The following CLEC2A variants were observed in gnomAD, a reference collection of about 807,000 sequenced individuals.
CLEC2A encodes keratinocyte-associated C-type lectin.
Under a neutral mutation model 18.6 loss-of-function variants are expected in CLEC2A, and 19 were observed. That is an observed-to-expected ratio of 1.02 (90% CI 0.71 to 1.50). The LOEUF is 1.50. Among genes scored for constraint, CLEC2A ranks in the 40% most tolerant of loss-of-function variants. The pLI, the probability that CLEC2A is intolerant of heterozygous loss-of-function variation, is 0.00. For synonymous variants in CLEC2A, 74 were observed against 64.0 expected, an observed-to-expected ratio of 1.16 and a Z score of -0.75; for missense variants, 190 against 207.9, an observed-to-expected ratio of 0.91 and a Z score of 0.53.
chr12:9,893,400 A>G, the CLEC2A span: 1 of 1,079,142 alleles, frequency 9.3e-7, no homozygotes, highest in Non-Finnish European at 1.3e-6. Context: ...TAAACAAATG[A>G]ATGAATAAAT....
downstream of CLEC2A, among the ~76,000 whole-genome samples, chr12:9,894,542 T>C (rs1862735550): frequency 6.6e-6 from 1 of 152,214 alleles, no homozygotes; most frequent in Admixed American, 6.5e-5. Context: ...ATTGTTCTTA[T>C]GTGAACAACA....
At chr12:9,914,693 C>A (rs1017644440) in intron 4 of CLEC2A, among the ~76,000 whole-genome samples, 1 of 152,142 alleles carries the variant, frequency 6.6e-6, no homozygotes, top group Non-Finnish European at 1.5e-5. Context: ...CCCTTCCTTA[C>A]ACCTTATACA....
the CLEC2A span, among the ~76,000 whole-genome samples, chr12:9,892,027 C>T: frequency 6.6e-6 from 1 of 152,098 alleles, no homozygotes; most frequent in South Asian, 2.1e-4. Flanking sequence ...ATGACAGTCC[C>T]ACCTCACAAA....
At chr12:9,909,956 T>G (rs951218895), downstream of CLEC2A, among the ~76,000 whole-genome samples, 3 of 152,112 alleles carry the variant, frequency 2.0e-5, no homozygotes, top group Admixed American at 1.3e-4. Flanking sequence ...CTTTTCTCTT[T>G]CAGAGCAGTA....
At chr12:9,906,231 C>T (rs1862906634) in intron 4 of CLEC2A, among the ~76,000 whole-genome samples, 2 of 151,980 alleles carry the variant, frequency 1.3e-5, no homozygotes, top group African/African-American at 4.8e-5. Context: ...TCTTGGTTTT[C>T]TGTAGCTCAT....
intron 4 of CLEC2A, among the ~76,000 whole-genome samples, chr12:9,900,409 C>T (rs1391345016): frequency 6.6e-6 from 1 of 151,978 alleles, no homozygotes; most frequent in African/African-American, 2.4e-5. Context: ...TCTCTGCAGT[C>T]CTCATTTTTG....
chr12:9,881,668 A>G, the CLEC2A span: 6 of 1,531,210 alleles, frequency 3.9e-6, no homozygotes, highest in South Asian at 3.6e-5. Flanking sequence ...ATCTAAAGGT[A>G]GGAATACTGC....
chr12:9,922,881 G>C (rs1248021964), intron 2 of CLEC2A, among the ~76,000 whole-genome samples: 1 of 152,044 alleles, frequency 6.6e-6, no homozygotes, highest in Non-Finnish European at 1.5e-5. Flanking sequence ...CTCAAATGTA[G>C]GGCAAACTCC....
At chr12:9,930,913 C>T (rs1401812799) in intron 1 of CLEC2A, among the ~76,000 whole-genome samples, 1 of 151,906 alleles carries the variant, frequency 6.6e-6, no homozygotes, top group African/African-American at 2.4e-5. Context: ...TATTAATTAA[C>T]TCCTCAAAGT....
At chr12:9,892,274 C>A in the CLEC2A span, among the ~76,000 whole-genome samples, 5 of 151,938 alleles carry the variant, frequency 3.3e-5, no homozygotes, top group Non-Finnish European at 7.4e-5. Flanking sequence ...ACAGTATGAA[C>A]GAAAAGCACA....
At chr12:9,886,627 T>A in the CLEC2A span, among the ~76,000 whole-genome samples, 3 of 152,038 alleles carry the variant, frequency 2.0e-5, no homozygotes, top group African/African-American at 7.3e-5. Flanking sequence ...CCAATTAAAT[T>A]TAAAAATAAC....
chr12:9,920,883 T>A (rs1591793813), intron 3 of CLEC2A, among the ~76,000 whole-genome samples: 1 of 152,192 alleles, frequency 6.6e-6, no homozygotes, highest in African/African-American at 2.4e-5. Context: ...TTTTAAAAAT[T>A]TTTTCTGTCT....
At chr12:9,884,932 A>C in the CLEC2A span, 18 of 1,089,316 alleles carry the variant, frequency 1.7e-5, no homozygotes, top group Non-Finnish European at 2.2e-5. Flanking sequence ...TCAACATTTC[A>C]GATTTCTCCC....
chr12:9,885,169 A>T, the CLEC2A span: 2 of 329,492 alleles, frequency 6.1e-6, no homozygotes, highest in South Asian at 3.0e-4. Context: ...TATTAAATTT[A>T]AAAAATTAAA....
chr12:9,884,936 T>A, the CLEC2A span: 6 of 1,132,034 alleles, frequency 5.3e-6, no homozygotes, highest in East Asian at 6.3e-5. Flanking sequence ...CATTTCAGAT[T>A]TCTCCCTATA....
downstream of CLEC2A, chr12:9,895,546 T>C (rs2137006957): frequency 1.5e-6 from 1 of 666,556 alleles, no homozygotes; most frequent in Non-Finnish European, 2.4e-6. Flanking sequence ...GAGGCTGCAT[T>C]AGCAATGAAA....
Position 9,927,111 on chromosome 12 carries a change from A to T in CLEC2A, c.56-768T>A, listed in dbSNP as rs75649516. Among the ~76,000 whole-genome samples, 1,284 of 152,108 alleles carry T rather than the reference A, an allele frequency of 8.4e-3. 22 individuals are homozygous for T. Among genetic ancestry groups the T allele is most frequent in the African/African-American group, 0.03 (1,236 of 41,486 alleles). ...ATTTTGAGAAATGTGCCTTTAGGTG[A>T]TTGTGTCATTGTTGGAACATCATAG... On this transcript the variant is annotated intron_variant, in intron 1 of 4. Coordinates refer to ENST00000455827, the MANE Select transcript of CLEC2A (RefSeq NM_001130711.2).
the CLEC2A span, among the ~76,000 whole-genome samples, chr12:9,886,763 CAAAAAAAA>C: frequency 9.7e-6 from 1 of 103,510 alleles, no homozygotes; most frequent in Non-Finnish European, 1.9e-5. Flanking sequence ...CTATATCATG[CAAAAAAAA>C]AAAAAAAAAA....
At chr12:9,884,493 T>G in the CLEC2A span, among the ~76,000 whole-genome samples, 28 of 151,214 alleles carry the variant, frequency 1.9e-4, no homozygotes, top group Non-Finnish European at 2.8e-4. Context: ...GTCACTAAAT[T>G]GAATAACACA....
Sources: gnomAD v4.1 joint callset for allele counts (sites outside exome capture counted in the v4.1 genomes callset) on GRCh38, gnomAD v4.1.1 for gene constraint, MANE v1.5 for transcripts, NCBI Gene and HGNC (gene_info 2026-07-23, HGNC 2026-07-21) for gene names.